The following MROH7 variants were observed in gnomAD, a reference collection of about 807,000 sequenced individuals.
MROH7 encodes maestro heat like repeat family member 7.
Under a neutral mutation model 129.2 loss-of-function variants are expected in MROH7, and 113 were observed. The observed-to-expected ratio is 0.87, with a 90% CI of 0.75 to 1.02. The LOEUF (loss-of-function observed/expected upper bound fraction) is 1.02. Ranked by LOEUF, MROH7 falls within the 50% of genes least tolerant of loss-of-function variation. The pLI, the probability that MROH7 is intolerant of heterozygous loss-of-function variation, is 0.00. For synonymous variants in MROH7, 655 were observed against 667.9 expected (o/e 0.98, Z 0.30); for missense variants, 1,601 against 1,671.3 (o/e 0.96, Z 0.73).
intron 3 of MROH7, among the ~76,000 whole-genome samples, chr1:54,663,586 C>T (rs1190458924): frequency 6.6e-6 from 1 of 151,690 alleles, no homozygotes; most frequent in African/African-American, 2.4e-5. Context: ...GTTGTCCAGG[C>T]TGGTCTCAAA....
intron 14 of MROH7, among the ~76,000 whole-genome samples, chr1:54,685,213 C>T (rs1645129113): frequency 6.6e-6 from 1 of 152,130 alleles, no homozygotes; most frequent in Non-Finnish European, 1.5e-5. Context: ...GACGGGGTTT[C>T]CCCATGTTGG....
chr1:54,704,150 G>C (rs1055681101), intron 21 of MROH7, among the ~76,000 whole-genome samples: 1 of 152,206 alleles, frequency 6.6e-6, no homozygotes, highest in Non-Finnish European at 1.5e-5. Context: ...ACCATTATCA[G>C]TAATGCTCAA....
At chr1:54,675,806 CT>C (rs1203274615) in intron 10 of MROH7, among the ~76,000 whole-genome samples, 5 of 150,086 alleles carry the variant, frequency 3.3e-5, no homozygotes, top group African/African-American at 1.2e-4. Flanking sequence ...TTCACCATCT[CT>C]ACCAAAAATA....
chr1:54,685,438 C>T (rs1645132746), intron 14 of MROH7, among the ~76,000 whole-genome samples: 3 of 152,246 alleles, frequency 2.0e-5, no homozygotes, highest in Admixed American at 2.0e-4. Context: ...TCAGTGACTC[C>T]ACTTTTCAGA....
intron 6 of MROH7, 22 bp downstream of exon 6, chr1:54,670,598 T>C: frequency 6.2e-7 from 1 of 1,600,268 alleles, no homozygotes; most frequent in Non-Finnish European, 8.5e-7. Flanking sequence ...CCTCTCCCTG[T>C]TCCCACAGCC....
At chr1:54,648,510 C>T (rs1015401616) in intron 1 of MROH7, among the ~76,000 whole-genome samples, 6 of 151,814 alleles carry the variant, frequency 4.0e-5, no homozygotes, top group South Asian at 2.1e-4. Context: ...GGATTACAGA[C>T]GGGTGCCACC....
At position 54,684,015 on chromosome 1, in the gene MROH7, CATG is replaced by C. The variant is rs1290626915; in HGVS notation, c.2520+1224_2520+1226del. On this transcript the variant is annotated intron_variant, in intron 14 of 23. Coordinates refer to ENST00000421030, the MANE Select transcript of MROH7 (RefSeq NM_001039464.4). ...GACATTGCTGTCCTGCTGTGCTCACCATGATATCCCCAACATCTTGCATACACC... is the reference window on the plus strand; with the variant it reads ...GACATTGCTGTCCTGCTGTGCTCACCATATCCCCAACATCTTGCATACACC... Among the ~76,000 whole-genome samples, 3 of 152,192 alleles carry C rather than the reference CATG, an allele frequency of 2.0e-5. No individual in the cohort carries two copies. The East Asian group carries it at 5.8e-4, about 29-fold the overall frequency.
rs773094451 is a variant in MROH7, at chr1:54,701,277, G to A, written c.3240G>A (p.Ala1080=). 2.5e-5 allele frequency: 40 copies of A among 1,609,804 alleles called. No individual in the cohort carries two copies. In the East Asian group the frequency reaches 3.1e-4, roughly 13 times the overall value. Residue 1080 remains alanine (A), a synonymous_variant, in exon 19 of 24, where the codon GCG becomes GCA. Coordinates refer to ENST00000421030, the MANE Select transcript of MROH7 (RefSeq NM_001039464.4). ...KGRDQKLMDS[A]VYVEMLQILL... Reference sequence around the variant, plus strand: ...GGGACCAGAAGCTGATGGACAGTGCGGTCTATGTGGAGATGCTGCAGATCC... The same window carrying A: ...GGGACCAGAAGCTGATGGACAGTGCAGTCTATGTGGAGATGCTGCAGATCC...
At chr1:54,647,449 T>TA (rs1644484051) in intron 1 of MROH7, among the ~76,000 whole-genome samples, 2 of 150,940 alleles carry the variant, frequency 1.3e-5, no homozygotes, top group Admixed American at 6.6e-5. Flanking sequence ...CGTCTCTACT[T>TA]AAAAAAAAGG....
intron 3 of MROH7, among the ~76,000 whole-genome samples, chr1:54,661,404 G>C (rs540610892): frequency 6.6e-6 from 1 of 151,854 alleles, no homozygotes; most frequent in East Asian, 1.9e-4. Flanking sequence ...TAGAGATGGG[G>C]TTTCTCCGTG....
At chr1:54,666,122 C>A (rs947587133) in intron 4 of MROH7, among the ~76,000 whole-genome samples, 4 of 152,214 alleles carry the variant, frequency 2.6e-5, no homozygotes, top group Non-Finnish European at 4.4e-5. Context: ...GAGGCCCATG[C>A]CAGATGATAT....
Position 54,653,825 on chromosome 1 carries a change from T to A in MROH7, c.899T>A (p.Leu300Gln), listed in dbSNP as rs369752978. The A allele has an allele frequency of 6.0e-5, 97 of 1,614,024 alleles. No individual in the cohort carries two copies. The highest frequency in any genetic ancestry group is 7.4e-5 in the Non-Finnish European group (87 of 1,179,994). Residue 300 changes from leucine (L) to glutamine (Q), a missense_variant, in exon 3 of 24, where the codon CTG becomes CAG. Transcript: ENST00000421030. ...VTITQASYVT[L>Q]IPGSSYGISL... ...ATCACTCAAGCCTCGTATGTGACCCTGATTCCTGGCTCCAGCTATGGTATC... is the reference window on the plus strand; with the variant it reads ...ATCACTCAAGCCTCGTATGTGACCCAGATTCCTGGCTCCAGCTATGGTATC...
intron 10 of MROH7, among the ~76,000 whole-genome samples, chr1:54,675,368 A>G (rs767888763): frequency 3.3e-5 from 5 of 152,202 alleles, no homozygotes; most frequent in Non-Finnish European, 7.3e-5. Context: ...GGCACTTGTC[A>G]TGTAGTTCAC....
chr1:54,653,638 G>T lies in MROH7; in HGVS notation c.712G>T (p.Gly238Trp). ...CCTGAATGTAGCTCCAGATTCTCATGGGACCCTAATCCCAGACACAAATGA... is the reference window on the plus strand; with the variant it reads ...CCTGAATGTAGCTCCAGATTCTCATTGGACCCTAATCCCAGACACAAATGA... ...LNLNVAPDSH[G>W]TLIPDTNETI... The change falls in exon 3 of 24, where the codon GGG becomes TGG. Residue 238 changes from glycine (G) to tryptophan (W), a missense_variant. Physicochemically the swap from Gly to Trp is radical, Grantham distance 184. Coordinates refer to ENST00000421030, the MANE Select transcript of MROH7 (RefSeq NM_001039464.4). 2 of 1,614,108 alleles carry T rather than the reference G, an allele frequency of 1.2e-6. No homozygotes were observed. The highest frequency in any genetic ancestry group is 1.7e-6 in the Non-Finnish European group (2 of 1,180,012).
intron 1 of MROH7, among the ~76,000 whole-genome samples, chr1:54,643,044 TC>T (rs1278292022): frequency 6.6e-5 from 10 of 152,228 alleles, no homozygotes; most frequent in African/African-American, 2.4e-4. Context: ...TTCTGAACCT[TC>T]CCTGTGTGCC....
At position 54,670,815 on chromosome 1, in the gene MROH7, C is replaced by T; in HGVS notation, c.1485C>T (p.Thr495=). Residue 495 remains threonine, a synonymous_variant, in exon 7 of 24, where the codon ACC becomes ACT. Coordinates refer to ENST00000421030, the MANE Select transcript of MROH7 (RefSeq NM_001039464.4). ...TCTTCTCCAGCCACACCCAGCCCAC[C>T]CTGGGCATGCGGGAGAGGTCGGAGC... ...ILTQLSHTQP[T]LGMRERSELV... is the part of the protein sequence containing the mutation. 2 of 1,614,046 alleles carry T rather than the reference C, an allele frequency of 1.2e-6. No homozygotes were observed. The highest frequency in any genetic ancestry group is 2.2e-5 in the East Asian group (1 of 44,862).
Position 54,668,863 on chromosome 1 carries a change from G to T in MROH7, c.1315G>T (p.Val439Phe), listed in dbSNP as rs74071881. 1,055 of 1,613,724 alleles carry T rather than the reference G, an allele frequency of 6.5e-4. 5 individuals are homozygous for T. In the African/African-American group the frequency reaches 0.013, roughly 20 times the overall value. Reference protein sequence around the residue: ...GGNNMALVENVTTLQKSQDLL... With the variant: ...GGNNMALVENFTTLQKSQDLL... ...CTCTGCTGTCCCCTAGGTTGAGAATGTCACCACCCTTCAGAAGAGCCAGGA... is the reference window on the plus strand; with the variant it reads ...CTCTGCTGTCCCCTAGGTTGAGAATTTCACCACCCTTCAGAAGAGCCAGGA... Residue 439 changes from valine (V) to phenylalanine (F), a missense_variant, in exon 5 of 24, where the codon GTC (valine) becomes TTC (phenylalanine). Val to Phe is a conservative substitution (Grantham distance 50). Coordinates refer to ENST00000421030, the MANE Select transcript of MROH7 (RefSeq NM_001039464.4).
At chr1:54,693,557 G>T (rs1645273464) in intron 16 of MROH7, among the ~76,000 whole-genome samples, 1 of 152,232 alleles carries the variant, frequency 6.6e-6, no homozygotes, top group South Asian at 2.1e-4. Context: ...CAAGTCTGGA[G>T]AGGAATTGTC....
At chr1:54,708,494 A>G (rs1018213731) in intron 22 of MROH7, among the ~76,000 whole-genome samples, 2 of 152,176 alleles carry the variant, frequency 1.3e-5, no homozygotes, top group Non-Finnish European at 2.9e-5. Context: ...GGACCTGCAA[A>G]TACTGCAGGA....
Sources: gnomAD v4.1 joint callset for allele counts (sites outside exome capture counted in the v4.1 genomes callset) on GRCh38, gnomAD v4.1.1 for gene constraint, MANE v1.5 for transcripts, NCBI Gene and HGNC (gene_info 2026-07-23, HGNC 2026-07-21) for gene names.